The following CYRIB variants were observed in gnomAD, a reference collection of about 807,000 sequenced individuals.
CYRIB encodes CYFIP-related Rac1 interactor B.
Under a neutral mutation model 44.2 loss-of-function variants are expected in CYRIB, and 8 were observed. That is an observed-to-expected ratio of 0.18 (90% CI 0.11 to 0.33). The LOEUF is 0.33. Among genes scored for constraint, CYRIB ranks in the 10% least tolerant of loss-of-function variants. The probability of loss-of-function intolerance (pLI) is 1.00; values close to 1 mark genes in which losing one functional copy is unlikely to be tolerated. For synonymous variants in CYRIB, 131 were observed against 127.2 expected, an observed-to-expected ratio of 1.03 and a Z score of -0.20; for missense variants, 185 against 382.8, an observed-to-expected ratio of 0.48 and a Z score of 4.31.
At chr8:129,899,135 G>C (rs1426238012) in intron 2 of CYRIB, among the ~76,000 whole-genome samples, 1 of 152,050 alleles carries the variant, frequency 6.6e-6, no homozygotes, top group East Asian at 1.9e-4. Context: ...AAAGTACTGG[G>C]ATTTACAGGC....
chr8:129,930,663 G>A (rs2090896583), intron 1 of CYRIB, among the ~76,000 whole-genome samples: 1 of 151,904 alleles, frequency 6.6e-6, no homozygotes, highest in Admixed American at 6.6e-5. Context: ...TTGCCAACCA[G>A]GCTACATATT....
intron 3 of CYRIB, among the ~76,000 whole-genome samples, chr8:129,875,731 G>C (rs1315273755): frequency 1.3e-5 from 2 of 152,150 alleles, no homozygotes; most frequent in Non-Finnish European, 2.9e-5. Context: ...TGTCCATGTT[G>C]TTCCTTCTTT....
intron 3 of CYRIB, among the ~76,000 whole-genome samples, chr8:129,878,054 C>T (rs1466872695): frequency 6.6e-6 from 1 of 152,198 alleles, no homozygotes; most frequent in Non-Finnish European, 1.5e-5. Flanking sequence ...TCATGCTAAA[C>T]ATGCACTTAA....
rs1045769469 is a variant in CYRIB, at chr8:129,883,301, C to T, written c.-10-3830G>A. On this transcript the variant is annotated intron_variant, in intron 2 of 11. Transcript: ENST00000519824. ...TAGATACTAGCAGCTACCCCCCATA[C>T]AAGCTGTGACAATCAAAAATGTCTC... Among the ~76,000 whole-genome samples, 5 of 151,968 alleles carry T rather than the reference C, an allele frequency of 3.3e-5. No individual in the cohort carries two copies. The East Asian group carries it at 9.7e-4, about 29-fold the overall frequency.
intron 1 of CYRIB, among the ~76,000 whole-genome samples, chr8:129,974,330 T>C (rs2095833017): frequency 2.0e-5 from 3 of 152,212 alleles, no homozygotes; most frequent in East Asian, 3.9e-4. Flanking sequence ...AATGGAAGCC[T>C]ATCTATCACC....
At chr8:129,902,556 A>G (rs2072804539) in intron 2 of CYRIB, among the ~76,000 whole-genome samples, 1 of 151,868 alleles carries the variant, frequency 6.6e-6, no homozygotes, top group African/African-American at 2.4e-5. Flanking sequence ...TTGTTCTATC[A>G]CCCAGGTTAA....
chr8:129,871,338 G>T, intron 4 of CYRIB, 37 bp downstream of exon 6: 2 of 1,582,094 alleles, frequency 1.3e-6, no homozygotes, highest in East Asian at 2.3e-5. Flanking sequence ...GGGACAGTAA[G>T]TTTCAGTTAA....
At chr8:130,003,927 T>G (rs1311032667) in intron 1 of CYRIB, among the ~76,000 whole-genome samples, 1 of 152,242 alleles carries the variant, frequency 6.6e-6, no homozygotes, top group African/African-American at 2.4e-5. Context: ...GGCCTTCAAC[T>G]GCAGATTTGA....
intron 1 of CYRIB, among the ~76,000 whole-genome samples, chr8:129,909,633 A>G (rs1299552176): frequency 3.3e-5 from 5 of 152,124 alleles, no homozygotes; most frequent in Non-Finnish European, 7.3e-5. Flanking sequence ...CTTTTAAACG[A>G]TGCTATATGC....
chr8:129,956,145 C>T (rs2094816496), intron 2 of CYRIB, among the ~76,000 whole-genome samples: 1 of 152,296 alleles, frequency 6.6e-6, no homozygotes, highest in African/African-American at 2.4e-5. Context: ...TCGTGGAGCG[C>T]AGTGAGAATC....
chr8:129,991,279 T>C (rs1186033380), intron 1 of CYRIB, among the ~76,000 whole-genome samples: 1 of 151,672 alleles, frequency 6.6e-6, no homozygotes, highest in African/African-American at 2.4e-5. Context: ...GCTCAATAAA[T>C]ACTGGCTGAA....
intron 2 of CYRIB, among the ~76,000 whole-genome samples, chr8:129,884,021 A>G (rs1445758930): frequency 6.6e-6 from 1 of 152,188 alleles, no homozygotes; most frequent in Non-Finnish European, 1.5e-5. Context: ...AGAGGATGGC[A>G]GTCTATCACA....
intron 1 of CYRIB, among the ~76,000 whole-genome samples, chr8:129,907,708 G>A (rs1246761489): frequency 6.6e-6 from 1 of 152,106 alleles, no homozygotes; most frequent in Non-Finnish European, 1.5e-5. Flanking sequence ...TTCAAATGAT[G>A]GTACCTATGA....
chr8:129,843,229 T>C (rs1354403551), intron 11 of CYRIB, among the ~76,000 whole-genome samples: 1 of 152,172 alleles, frequency 6.6e-6, no homozygotes, highest in African/African-American at 2.4e-5. Flanking sequence ...CCATCTCCCA[T>C]GGACACCCAG....
chr8:129,995,988 C>T (rs2096755464), intron 1 of CYRIB, among the ~76,000 whole-genome samples: 1 of 152,248 alleles, frequency 6.6e-6, no homozygotes, highest in Non-Finnish European at 1.5e-5. Context: ...TCTTGGTCAG[C>T]AGCTGGTCCT....
intron 1 of CYRIB, among the ~76,000 whole-genome samples, chr8:130,001,672 G>A (rs183675394): frequency 5.9e-5 from 9 of 151,560 alleles, no homozygotes; most frequent in East Asian, 1.9e-4. Context: ...GGGACTACAC[G>A]TGCGCCACCA....
At chr8:129,990,641 C>A (rs1191751511) in intron 1 of CYRIB, among the ~76,000 whole-genome samples, 2 of 152,016 alleles carry the variant, frequency 1.3e-5, no homozygotes, top group Non-Finnish European at 2.9e-5. Context: ...CCTGCCTCAG[C>A]CTCCCAAGTA....
At chr8:129,980,827 C>T (rs180814729) in intron 1 of CYRIB, among the ~76,000 whole-genome samples, 3 of 150,064 alleles carry the variant, frequency 2.0e-5, no homozygotes, top group Admixed American at 2.0e-4. Flanking sequence ...ACCAAAAATA[C>T]AAAAAAATTA....
intron 2 of CYRIB, among the ~76,000 whole-genome samples, chr8:129,884,300 T>C (rs912810950): frequency 9.9e-5 from 15 of 152,178 alleles, no homozygotes; most frequent in African/African-American, 2.9e-4. Context: ...ATTTAAGATT[T>C]TTTTTGAGAC....
Sources: allele counts gnomAD v4.1 joint callset (sites outside exome capture counted in the v4.1 genomes callset), GRCh38; gene constraint gnomAD v4.1.1; transcripts MANE v1.5; gene names NCBI Gene and HGNC (gene_info 2026-07-23, HGNC 2026-07-21).